MACROD2: variants seen among roughly 807,000 people sequenced by gnomAD.
MACROD2 encodes the protein ADP-ribose glycohydrolase MACROD2.
MACROD2 carries 36 observed loss-of-function variants against 70.4 expected under a neutral mutation model. The ratio of observed to expected loss-of-function variants is 0.51; its 90% CI spans 0.39 to 0.68. The LOEUF (loss-of-function observed/expected upper bound fraction) is 0.68. Ranked by LOEUF, MACROD2 falls within the 30% of genes least tolerant of loss-of-function variation. The probability of loss-of-function intolerance (pLI) is 0.00; values close to 1 mark genes in which losing one functional copy is unlikely to be tolerated. For missense variants in MACROD2, 496 were observed against 538.4 expected (o/e 0.92, Z 0.78); for synonymous variants, 172 against 178.8 (o/e 0.96, Z 0.30).
chr20:15,872,181 G>A lies in MACROD2; in HGVS notation c.727+9355G>A, dbSNP rs539397163. On this transcript the variant is annotated intron_variant, in intron 9 of 17. Coordinates refer to ENST00000684519, the MANE Select transcript of MACROD2 (RefSeq NM_001351661.2). ...TAGGGCTAGAGCTCCTGAAAAGCTAGAGCTCCTCCAATCATATGGTATATC... is the reference window on the plus strand; with the variant it reads ...TAGGGCTAGAGCTCCTGAAAAGCTAAAGCTCCTCCAATCATATGGTATATC... 2.8e-4 allele frequency among the ~76,000 whole-genome samples: 43 copies of A among 152,282 alleles called. No individual in the cohort carries two copies. The South Asian group carries it at 4.6e-3, about 16-fold the overall frequency.
At chr20:15,226,709 T>G (rs1200780799) in intron 5 of MACROD2, among the ~76,000 whole-genome samples, 3 of 152,176 alleles carry the variant, frequency 2.0e-5, no homozygotes, top group Non-Finnish European at 4.4e-5. Flanking sequence ...CACTTTTACC[T>G]GCCCAGATAT....
At chr20:14,191,798 T>C (rs1368796666) in intron 3 of MACROD2, among the ~76,000 whole-genome samples, 1 of 152,186 alleles carries the variant, frequency 6.6e-6, no homozygotes, top group African/African-American at 2.4e-5. Flanking sequence ...AAGAGGTCAG[T>C]TGGCTCATGC....
At chr20:14,163,148 A>T (rs574371339) in intron 3 of MACROD2, among the ~76,000 whole-genome samples, 4 of 152,040 alleles carry the variant, frequency 2.6e-5, no homozygotes, top group African/African-American at 9.7e-5. Flanking sequence ...GTGATGATGA[A>T]TTTTCTCAGC....
chr20:15,253,227 C>A (rs1390547572), intron 6 of MACROD2, among the ~76,000 whole-genome samples: 1 of 152,140 alleles, frequency 6.6e-6, no homozygotes, highest in Non-Finnish European at 1.5e-5. Flanking sequence ...GTAGGACCAC[C>A]ACTAACCATT....
At chr20:14,142,438 T>C (rs2054888847) in intron 3 of MACROD2, among the ~76,000 whole-genome samples, 1 of 152,196 alleles carries the variant, frequency 6.6e-6, no homozygotes, top group South Asian at 2.1e-4. Flanking sequence ...GATCCCAAGT[T>C]ATTTTCTTTT....
In MACROD2 at chr20:15,585,381, A is replaced by G. The variant is rs1327178650; in HGVS notation, c.645+85534A>G. Among the ~76,000 whole-genome samples, 4 of 151,802 alleles carry G rather than the reference A, an allele frequency of 2.6e-5. No homozygotes were observed. In the East Asian group the frequency reaches 5.8e-4, roughly 22 times the overall value. On this transcript the variant is annotated intron_variant, in intron 8 of 17. Transcript: ENST00000684519. The stretch of plus-strand genomic sequence containing the variant: ...CTAGATAATTTTTTGTATTTTTAGT[A>G]GAGACAGGATTTTACCATGCTGCCC...
At chr20:15,299,217 C>A (rs756927365) in intron 6 of MACROD2, among the ~76,000 whole-genome samples, 3 of 152,054 alleles carry the variant, frequency 2.0e-5, no homozygotes, top group Non-Finnish European at 4.4e-5. Context: ...TTATTTGCAT[C>A]CTTTCTACTG....
intron 13 of MACROD2, among the ~76,000 whole-genome samples, chr20:15,981,617 A>G (rs765558473): frequency 6.9e-4 from 105 of 152,270 alleles, no homozygotes; most frequent in Admixed American, 1.5e-3. Flanking sequence ...GCAAAAAACA[A>G]ATTTTTAGTC....
chr20:14,321,708 T>C (rs1356057559), intron 3 of MACROD2, among the ~76,000 whole-genome samples: 1 of 152,210 alleles, frequency 6.6e-6, no homozygotes, highest in East Asian at 1.9e-4. Flanking sequence ...AATTGTCATG[T>C]TGGCATGTAG....
intron 2 of MACROD2, among the ~76,000 whole-genome samples, chr20:14,034,778 C>T (rs2053287814): frequency 1.3e-5 from 2 of 152,164 alleles, no homozygotes; most frequent in Admixed American, 6.5e-5. Context: ...ATTGTTTCCT[C>T]ACATCATTTG....
chr20:14,138,972 T>C (rs1297849799), intron 3 of MACROD2, among the ~76,000 whole-genome samples: 2 of 152,158 alleles, frequency 1.3e-5, no homozygotes, highest in East Asian at 3.8e-4. Flanking sequence ...AAGGAAAACA[T>C]AAATAAAGAT....
intron 8 of MACROD2, among the ~76,000 whole-genome samples, chr20:15,612,464 T>A (rs1043375158): frequency 6.6e-6 from 1 of 152,216 alleles, no homozygotes; most frequent in Admixed American, 6.5e-5. Context: ...CATGGGCGAT[T>A]GATTAAGGCT....
At chr20:15,257,574 G>A (rs1400953425) in intron 6 of MACROD2, among the ~76,000 whole-genome samples, 4 of 152,010 alleles carry the variant, frequency 2.6e-5, no homozygotes, top group African/African-American at 9.7e-5. Flanking sequence ...GGTCCCATGG[G>A]ATCATAATGA....
intron 4 of MACROD2, among the ~76,000 whole-genome samples, chr20:14,643,955 A>G (rs1159153517): frequency 6.6e-6 from 1 of 152,204 alleles, no homozygotes; most frequent in Non-Finnish European, 1.5e-5. Context: ...TTAGTCATCT[A>G]TAACATGGAA....
chr20:14,962,612 A>G (rs1232751969), intron 5 of MACROD2, among the ~76,000 whole-genome samples: 1 of 151,664 alleles, frequency 6.6e-6, no homozygotes, highest in Non-Finnish European at 1.5e-5. Flanking sequence ...CCAAGCAAAT[A>G]AAAGTCTGTA....
At chr20:14,157,463 C>A (rs2055118862) in intron 3 of MACROD2, among the ~76,000 whole-genome samples, 1 of 151,974 alleles carries the variant, frequency 6.6e-6, no homozygotes, top group South Asian at 2.1e-4. Context: ...ACTATAGTCA[C>A]CCTACTCTAC....
intron 2 of MACROD2, among the ~76,000 whole-genome samples, chr20:14,037,530 T>C (rs1380371126): frequency 6.6e-6 from 1 of 152,200 alleles, no homozygotes; most frequent in African/African-American, 2.4e-5. Flanking sequence ...GGATGCATAT[T>C]TTTTGATTGA....
intron 4 of MACROD2, among the ~76,000 whole-genome samples, chr20:14,523,016 T>G (rs980371839): frequency 3.3e-5 from 5 of 152,192 alleles, no homozygotes; most frequent in Non-Finnish European, 7.3e-5. Context: ...CTCAACTGTC[T>G]TATCCCTCGA....
At chr20:15,884,122 C>T (rs1568617085) in intron 9 of MACROD2, among the ~76,000 whole-genome samples, 1 of 151,958 alleles carries the variant, frequency 6.6e-6, no homozygotes, top group Non-Finnish European at 1.5e-5. Context: ...ATCACATGCC[C>T]AGGGGATGGA....
Sources: allele counts gnomAD v4.1 joint callset (sites outside exome capture counted in the v4.1 genomes callset), GRCh38; gene constraint gnomAD v4.1.1; transcripts MANE v1.5; gene names NCBI Gene and HGNC (gene_info 2026-07-23, HGNC 2026-07-21).